Variants in CDH10 observed in about 807,000 individuals in gnomAD.
CDH10 encodes the protein cadherin 10, also known as cadherin-10.
Under a neutral mutation model 73.1 loss-of-function variants are expected in CDH10, and 30 were observed. That is an observed-to-expected ratio of 0.41 (90% CI 0.31 to 0.56). CDH10 has a LOEUF of 0.56. Among genes scored for constraint, CDH10 ranks in the 20% least tolerant of loss-of-function variants. The probability of loss-of-function intolerance (pLI) is 0.27; values close to 1 mark genes in which losing one functional copy is unlikely to be tolerated. For missense variants in CDH10, 815 were observed against 973.7 expected (o/e 0.84, Z 2.17); for synonymous variants, 345 against 348.2 (o/e 0.99, Z 0.10).
intron 2 of CDH10, among the ~76,000 whole-genome samples, chr5:24,548,552 A>G (rs140894424): frequency 1.3e-3 from 199 of 148,852 alleles, no homozygotes; most frequent in African/African-American, 4.6e-3. Context: ...ATGGGGTCCA[A>G]TGGTATTATG....
At chr5:24,552,912 A>G (rs913480518) in intron 2 of CDH10, among the ~76,000 whole-genome samples, 6 of 152,074 alleles carry the variant, frequency 3.9e-5, no homozygotes, top group Non-Finnish European at 7.4e-5. Context: ...TCCAAAAGGG[A>G]CTGTTTGTGA....
At chr5:24,562,551 A>G (rs1744997421) in intron 2 of CDH10, among the ~76,000 whole-genome samples, 1 of 152,202 alleles carries the variant, frequency 6.6e-6, no homozygotes, top group Non-Finnish European at 1.5e-5. Flanking sequence ...AAAAAAATCT[A>G]CAAGACTATT....
intron 5 of CDH10, among the ~76,000 whole-genome samples, chr5:24,518,884 CTT>C (rs36019861): frequency 0.012 from 900 of 77,434 alleles, 5 homozygotes; most frequent in African/African-American, 0.037. Context: ...GACATGTGCA[CTT>C]TTTTTTTTTT....
Position 24,487,982 on chromosome 5 carries a change from T to TC in CDH10, c.2047dup (p.Glu683GlyfsTer25). ...AATAATATCTCGCCGGAGCTTTTTT[T>TC]CCTCAATGGCTGCAGGATTCCTCAG... On this transcript the variant is annotated frameshift_variant, in exon 12 of 12. Coordinates refer to ENST00000264463, the MANE Select transcript of CDH10 (RefSeq NM_006727.5). LOFTEE classifies it high-confidence loss of function. 6.2e-7 allele frequency: 1 copy of TC among 1,614,028 alleles called. No individual in the cohort carries two copies. The highest frequency in any genetic ancestry group is 8.5e-7 in the Non-Finnish European group (1 of 1,179,982).
In CDH10 at chr5:24,595,626, C is replaced by T. The variant is rs554020550; in HGVS notation, c.-123-2013G>A. Among the ~76,000 whole-genome samples the T allele has an allele frequency of 9.9e-5, 15 of 151,938 alleles. No individual in the cohort carries two copies. In the South Asian group the frequency reaches 2.5e-3, roughly 25 times the overall value. On this transcript the variant is annotated intron_variant, in intron 1 of 11. Coordinates refer to ENST00000264463, the MANE Select transcript of CDH10 (RefSeq NM_006727.5). ...TTTATATGTATTAGGATGTGCCAGA[C>T]AGTATTCTCCAGAAATGTACTCTAT...
Position 24,505,253 on chromosome 5 carries a change from A to G in CDH10, c.1257-5T>C. 1 of 1,611,742 alleles carries G rather than the reference A, an allele frequency of 6.2e-7. No homozygotes were observed. On this transcript the variant is annotated splice_region_variant and splice_polypyrimidine_tract_variant and intron_variant, in intron 7 of 11. Transcript: ENST00000264463. Reference sequence around the variant, plus strand: ...GTATGGCGATCCAAGGAAAATCTGAACATGGAGGGCAAGAAAAAATACATG... The same window carrying G: ...GTATGGCGATCCAAGGAAAATCTGAGCATGGAGGGCAAGAAAAAATACATG...
chr5:24,502,214 G>C (rs965314839), intron 8 of CDH10, among the ~76,000 whole-genome samples: 2 of 152,086 alleles, frequency 1.3e-5, no homozygotes, highest in Non-Finnish European at 2.9e-5. Flanking sequence ...GAGCCACCGC[G>C]CCTGGCTCCC....
chr5:24,586,545 C>T (rs1277448046), intron 2 of CDH10, among the ~76,000 whole-genome samples: 1 of 146,360 alleles, frequency 6.8e-6, no homozygotes, highest in Non-Finnish European at 1.5e-5. Context: ...CGGGTTCAAG[C>T]GATTCTCCTG....
chr5:24,636,519 T>C (rs2112209753), intron 1 of CDH10, among the ~76,000 whole-genome samples: 1 of 152,048 alleles, frequency 6.6e-6, no homozygotes, highest in Admixed American at 6.6e-5. Context: ...GTGACCAAGT[T>C]TTAAACACAG....
At chr5:24,497,544 C>T (rs1742336717) in intron 9 of CDH10, among the ~76,000 whole-genome samples, 1 of 152,060 alleles carries the variant, frequency 6.6e-6, no homozygotes, top group African/African-American at 2.4e-5. Flanking sequence ...TTAGAATCTT[C>T]AAAAGGAAGA....
In CDH10 at chr5:24,487,627, T is replaced by C. The variant is rs577807875; in HGVS notation, c.*36A>G. The C allele has an allele frequency of 8.3e-6, 13 of 1,560,862 alleles. No individual in the cohort carries two copies. The highest frequency in any genetic ancestry group is 6.8e-5 in the African/African-American group (5 of 73,102). On this transcript the variant is annotated 3_prime_UTR_variant, in exon 12 of 12. Transcript: ENST00000264463. ...GAAGTGGAGACAGCATGGGTAGAGTTACTTTCTCTTGTTTGAACAGAACAT... is the reference window on the plus strand; with the variant it reads ...GAAGTGGAGACAGCATGGGTAGAGTCACTTTCTCTTGTTTGAACAGAACAT...
chr5:24,565,213 T>C (rs1020324180), intron 2 of CDH10, among the ~76,000 whole-genome samples: 1 of 152,182 alleles, frequency 6.6e-6, no homozygotes, highest in African/African-American at 2.4e-5. Flanking sequence ...GATGCAAAAT[T>C]GTCTTTATTC....
chr5:24,616,801 G>C (rs1274504852), intron 1 of CDH10, among the ~76,000 whole-genome samples: 1 of 152,088 alleles, frequency 6.6e-6, no homozygotes, highest in Non-Finnish European at 1.5e-5. Context: ...TGTCAGCTAA[G>C]TTCACTCTGT....
At position 24,504,506 on chromosome 5, in the gene CDH10, C is replaced by CTGTTTTTT. The variant is rs1554016940; in HGVS notation, c.1393+605_1393+606insAAAAAACA. 1.6e-3 allele frequency among the ~76,000 whole-genome samples: 102 copies of CTGTTTTTT among 65,162 alleles called. 34 individuals carry two copies. The highest frequency in any genetic ancestry group is 5.7e-3 in the South Asian group (10 of 1,764). 42.7% of individuals were successfully genotyped at this position (65,162 alleles called of 152,430 possible). A position where few individuals can be genotyped will look rare whatever the true frequency, so the allele number is the denominator to read the frequency against. On this transcript the variant is annotated intron_variant, in intron 8 of 11. Coordinates refer to ENST00000264463, the MANE Select transcript of CDH10 (RefSeq NM_006727.5). The stretch of plus-strand genomic sequence containing the variant: ...TATTAAATGCTTTTCTCCTATTAAT[C>CTGTTTTTT]TTTTTTTTTTTTTTTTTTTTTTTTT...
Position 24,546,216 on chromosome 5 carries a change from A to G in CDH10, c.232-8542T>C, listed in dbSNP as rs190260040. On this transcript the variant is annotated intron_variant, in intron 2 of 11. Transcript: ENST00000264463. ...GTGTGTGTGTGTACAAAATACACAAACAATGCTAACACAGTATCAGGGGGT... is the reference window on the plus strand; with the variant it reads ...GTGTGTGTGTGTACAAAATACACAAGCAATGCTAACACAGTATCAGGGGGT... Among the ~76,000 whole-genome samples, 4 of 152,238 alleles carry G rather than the reference A, an allele frequency of 2.6e-5. No individual in the cohort carries two copies. In the East Asian group the frequency reaches 7.7e-4, roughly 29 times the overall value.
chr5:24,626,747 C>A (rs1182480182), intron 1 of CDH10, among the ~76,000 whole-genome samples: 1 of 151,012 alleles, frequency 6.6e-6, no homozygotes, highest in African/African-American at 2.4e-5. Context: ...GCACTCCAGC[C>A]TGGGCAACAG....
intron 2 of CDH10, among the ~76,000 whole-genome samples, chr5:24,550,733 C>G (rs1744513418): frequency 6.6e-6 from 1 of 152,112 alleles, no homozygotes; most frequent in Admixed American, 6.6e-5. Context: ...TTTTACTAAC[C>G]TGCATGATAA....
chr5:24,584,186 G>T (rs1341490654), intron 2 of CDH10, among the ~76,000 whole-genome samples: 1 of 151,906 alleles, frequency 6.6e-6, no homozygotes, highest in African/African-American at 2.4e-5. Context: ...GCTACATCAA[G>T]TTTCAAAATA....
chr5:24,510,801 G>A (rs1368732567), intron 6 of CDH10, among the ~76,000 whole-genome samples: 1 of 152,208 alleles, frequency 6.6e-6, no homozygotes, highest in East Asian at 1.9e-4. Flanking sequence ...ATAACAAACA[G>A]GTTACCTTTA....
Sources: allele counts gnomAD v4.1 joint callset (sites outside exome capture counted in the v4.1 genomes callset), GRCh38; gene constraint gnomAD v4.1.1; transcripts MANE v1.5; gene names NCBI Gene and HGNC (gene_info 2026-07-23, HGNC 2026-07-21).